AJAP1: variants seen among roughly 807,000 people sequenced by gnomAD.
AJAP1 encodes adherens junction-associated protein 1.
AJAP1 carries 5 observed loss-of-function variants against 35.0 expected under a neutral mutation model. The ratio of observed to expected loss-of-function variants is 0.14; its 90% confidence interval spans 0.07 to 0.30. AJAP1 has a LOEUF of 0.30. AJAP1 is among the 10% of genes least tolerant of loss of function. AJAP1 has a pLI of 1.00. For synonymous variants in AJAP1, 284 were observed against 249.3 expected (o/e 1.14, Z -1.31); for missense variants, 586 against 571.0 (o/e 1.03, Z -0.27).
intron 1 of AJAP1, among the ~76,000 whole-genome samples, chr1:4,661,090 T>C (rs1638988791): frequency 6.6e-6 from 1 of 152,212 alleles, no homozygotes; most frequent in South Asian, 2.1e-4. Flanking sequence ...GTGGCTTTGC[T>C]CTTATCACCT....
intron 2 of AJAP1, among the ~76,000 whole-genome samples, chr1:4,761,360 A>G (rs1345704966): frequency 6.6e-6 from 1 of 152,022 alleles, no homozygotes; most frequent in Non-Finnish European, 1.5e-5. Context: ...CGTCTGTAAC[A>G]CTCTGTGTTC....
intron 2 of AJAP1, among the ~76,000 whole-genome samples, chr1:4,758,072 C>T (rs148236648): frequency 0.03 from 4,613 of 152,124 alleles, 332 homozygotes; most frequent in Admixed American, 0.18. Context: ...TCTTTCCTGC[C>T]GCCATGTGAA....
At chr1:4,779,264 G>A (rs376408865) in intron 5 of AJAP1, among the ~76,000 whole-genome samples, 1 of 152,274 alleles carries the variant, frequency 6.6e-6, no homozygotes, top group East Asian at 1.9e-4. Context: ...AGGTGGAAAG[G>A]TGGCCAGGAC....
chr1:4,750,025 C>T (rs1641286611), intron 2 of AJAP1, among the ~76,000 whole-genome samples: 1 of 146,382 alleles, frequency 6.8e-6, no homozygotes, highest in South Asian at 2.2e-4. Flanking sequence ...TCTGTGTGTG[C>T]ATGTGTTTGT....
chr1:4,726,249 G>A (rs188869809), intron 2 of AJAP1, among the ~76,000 whole-genome samples: 188 of 137,360 alleles, frequency 1.4e-3, no homozygotes, highest in African/African-American at 5.6e-3. Context: ...AATCTTTTAA[G>A]GCTGCCGTGC....
chr1:4,695,406 C>T (rs542574273), intron 1 of AJAP1, among the ~76,000 whole-genome samples: 16 of 152,260 alleles, frequency 1.1e-4, no homozygotes, highest in African/African-American at 2.6e-4. Flanking sequence ...AGGAGGCCAA[C>T]GGCTGGCCAG....
At chr1:4,703,149 C>T (rs745803619) in intron 1 of AJAP1, among the ~76,000 whole-genome samples, 2 of 152,144 alleles carry the variant, frequency 1.3e-5, no homozygotes, top group Admixed American at 1.3e-4. Flanking sequence ...AGAGGTAGAG[C>T]GCGGAGTGGC....
chr1:4,746,987 A>G (rs1215241980), intron 2 of AJAP1, among the ~76,000 whole-genome samples: 1 of 152,228 alleles, frequency 6.6e-6, no homozygotes, highest in Non-Finnish European at 1.5e-5. Flanking sequence ...GAAGAGATTC[A>G]TTCACTCTGT....
chr1:4,711,984 G>A lies in AJAP1; in HGVS notation c.114G>A (p.Leu38=). Reference sequence around the variant, plus strand: ...CCATGTTTCAGCTCGCCGTGGACCTGCCCGCCTGTGAGGCCCTGGGCCCGG... The same window carrying A: ...CCATGTTTCAGCTCGCCGTGGACCTACCCGCCTGTGAGGCCCTGGGCCCGG... ...LIAMFQLAVD[L]PACEALGPGP... Residue 38 remains leucine, a synonymous_variant, in exon 2 of 6, where the codon CTG becomes CTA. Transcript: ENST00000378191. The A allele has an allele frequency of 6.3e-7, 1 of 1,591,682 alleles. No homozygotes were observed. The highest frequency in any genetic ancestry group is 8.5e-7 in the Non-Finnish European group (1 of 1,172,892).
At chr1:4,767,048 G>A (rs1203464983) in intron 2 of AJAP1, among the ~76,000 whole-genome samples, 1 of 152,158 alleles carries the variant, frequency 6.6e-6, no homozygotes, top group Non-Finnish European at 1.5e-5. Context: ...GTTTTAATGT[G>A]GGAAGTCTAT....
chr1:4,792,025 C>G lies in AJAP1; in HGVS notation c.*9540C>G, dbSNP rs932501577. On this transcript the variant is annotated 3_prime_UTR_variant, in exon 6 of 6. Transcript: ENST00000378191. ...ATTGAATGTTTTAGAACTTTATTCCCCCGCCCCCTCACCCATGTATACCAA... is the reference window on the plus strand; with the variant it reads ...ATTGAATGTTTTAGAACTTTATTCCGCCGCCCCCTCACCCATGTATACCAA... The G allele has an allele frequency of 7.9e-5, 12 of 152,202 alleles. No individual in the cohort carries two copies. Among genetic ancestry groups the G allele is most frequent in the Middle Eastern group, 3.4e-3 (1 of 294 alleles). The allele number at this position is 152,202 out of a possible 1,614,324, so 9.4% of individuals were successfully genotyped here. A position where few individuals can be genotyped will look rare whatever the true frequency, so the allele number is the denominator to read the frequency against.
rs189052273 is a variant in AJAP1, at chr1:4,660,121, A to T, written c.29+4667A>T. Among the ~76,000 whole-genome samples the T allele has an allele frequency of 3.9e-5, 6 of 152,346 alleles. No individual in the cohort carries two copies. In the East Asian group the frequency reaches 1.2e-3, roughly 29 times the overall value. On this transcript the variant is annotated intron_variant, in intron 1 of 5. Coordinates refer to ENST00000378191, the MANE Select transcript of AJAP1 (RefSeq NM_018836.4). Reference sequence around the variant, plus strand: ...AACACCACCACACCACCAGAGCTGGAACACCTCCTCAATAAAGCTGTTTTT... The same window carrying T: ...AACACCACCACACCACCAGAGCTGGTACACCTCCTCAATAAAGCTGTTTTT...
chr1:4,712,560 G>A lies in AJAP1; in HGVS notation c.690G>A (p.Thr230=), dbSNP rs1332357311. 1.9e-6 allele frequency: 3 copies of A among 1,612,048 alleles called. No individual in the cohort carries two copies. The highest frequency in any genetic ancestry group is 2.2e-5 in the East Asian group (1 of 44,814). ...CCACCACCACGGCCACCCCCATGAC[G>A]CTGCAGACTAAGGGGTTCACCGAGT... ...TTTTTTATPM[T]LQTKGFTESL... Residue 230 remains threonine, a synonymous_variant, in exon 2 of 6, where the codon ACG becomes ACA. Coordinates refer to ENST00000378191, the MANE Select transcript of AJAP1 (RefSeq NM_018836.4).
Position 4,768,562 on chromosome 1 carries a change from G to A in AJAP1, c.830-1291G>A, listed in dbSNP as rs80049867. Among the ~76,000 whole-genome samples the A allele has an allele frequency of 6.4e-3, 982 of 152,346 alleles. 6 individuals are homozygous for A. The highest frequency in any genetic ancestry group is 0.011 in the Non-Finnish European group (754 of 68,034). ...ACTGAAACCCGCCATGCTGAAACAC[G>A]CACATGCAGTGTTCTCACCCCAGCA... On this transcript the variant is annotated intron_variant, in intron 2 of 5. Transcript: ENST00000378191.
intron 1 of AJAP1, among the ~76,000 whole-genome samples, chr1:4,679,829 GTGTGTGTGTGTGTGTGTGTGTGT>G (rs1289676201): frequency 1.3e-5 from 2 of 151,192 alleles, no homozygotes; most frequent in Admixed American, 1.3e-4. Flanking sequence ...GTGTGTGTGT[GTGTGTGTGTGTGTGTGTGTGTGT>G]AGAGAGAGAT....
At chr1:4,726,637 G>A (rs1274540527) in intron 2 of AJAP1, among the ~76,000 whole-genome samples, 1 of 152,110 alleles carries the variant, frequency 6.6e-6, no homozygotes, top group Admixed American at 6.6e-5. Context: ...GAGTCACCTG[G>A]GGAATTGGTT....
Position 4,769,783 on chromosome 1 carries a change from C to T in AJAP1, c.830-70C>T, listed in dbSNP as rs568643977. The T allele has an allele frequency of 3.3e-5, 46 of 1,391,474 alleles. No individual in the cohort carries two copies. In the East Asian group the frequency reaches 1.0e-3, roughly 30 times the overall value. 86.2% of individuals were successfully genotyped at this position (1,391,474 alleles called of 1,614,324 possible). On this transcript the variant is annotated intron_variant, in intron 2 of 5. Transcript: ENST00000378191. ...CTGGGTTGGGGGGATGCACCTCCAC[C>T]TTTCCCGGCCCCCCTCGCCTCCTGA...
rs975019936 is a variant in AJAP1 at position 4,784,341 on chromosome 1, G to A, written c.*1856G>A. The A allele has an allele frequency of 2.6e-5, 4 of 152,210 alleles. No individual in the cohort carries two copies. The East Asian group carries it at 5.8e-4, about 22-fold the overall frequency. 9.4% of individuals were successfully genotyped at this position (152,210 alleles called of 1,614,324 possible). On this transcript the variant is annotated 3_prime_UTR_variant, in exon 6 of 6. Transcript: ENST00000378191. ...CATGGGAGACGCCTAACATGGTGTG[G>A]GTCCCTGTCTCCAAAGACTATATTT...
At chr1:4,747,347 C>G (rs184460039) in intron 2 of AJAP1, among the ~76,000 whole-genome samples, 1 of 152,214 alleles carries the variant, frequency 6.6e-6, no homozygotes, top group Non-Finnish European at 1.5e-5. Flanking sequence ...CCACCTCACC[C>G]GGCCTCTGTT....
Sources: allele counts gnomAD v4.1 joint callset (sites outside exome capture counted in the v4.1 genomes callset), GRCh38; gene constraint gnomAD v4.1.1; transcripts MANE v1.5; gene names NCBI Gene and HGNC (gene_info 2026-07-23, HGNC 2026-07-21).